SLC39A11: variants seen among roughly 807,000 people sequenced by gnomAD.
SLC39A11 encodes solute carrier family 39 member 11.
SLC39A11 carries 33 observed loss-of-function variants against 36.1 expected under a neutral mutation model. That is an observed-to-expected ratio of 0.91 (90% CI 0.69 to 1.22). SLC39A11 has a LOEUF of 1.22. Ranked by LOEUF, SLC39A11 falls within the 50% of genes most tolerant of loss-of-function variation. SLC39A11 has a pLI of 0.00. For missense variants in SLC39A11, 432 were observed against 430.3 expected (o/e 1.00, Z -0.03); for synonymous variants, 166 against 170.3 (o/e 0.97, Z 0.20).
At chr17:72,680,592 C>A (rs2071471519) in intron 7 of SLC39A11, among the ~76,000 whole-genome samples, 1 of 152,156 alleles carries the variant, frequency 6.6e-6, no homozygotes, top group East Asian at 1.9e-4. Context: ...TGAGGCCTCC[C>A]CAGCCATGTG....
intron 5 of SLC39A11, among the ~76,000 whole-genome samples, chr17:72,878,634 T>C (rs527960821): frequency 1.3e-5 from 2 of 152,332 alleles, no homozygotes; most frequent in African/African-American, 4.8e-5. Context: ...TATTGCTGTA[T>C]TTTTCTCCAT....
intron 4 of SLC39A11, among the ~76,000 whole-genome samples, chr17:73,011,767 T>C (rs1199340638): frequency 1.3e-5 from 2 of 150,252 alleles, no homozygotes; most frequent in African/African-American, 4.9e-5. Flanking sequence ...GTTCAAGCAA[T>C]TCTCCTGCCT....
At position 72,947,875 on chromosome 17, in the gene SLC39A11, CCTG is replaced by C; in HGVS notation, c.307-3_307-1del. 1 of 1,613,628 alleles carries C rather than the reference CCTG, an allele frequency of 6.2e-7. No individual in the cohort carries two copies. Among genetic ancestry groups the C allele is most frequent in the Non-Finnish European group, 8.5e-7 (1 of 1,180,016 alleles). On this transcript the variant is annotated splice_acceptor_variant and splice_polypyrimidine_tract_variant and intron_variant, in intron 4 of 9. Coordinates refer to ENST00000255559, the MANE Select transcript of SLC39A11 (RefSeq NM_139177.4). LOFTEE classifies it high-confidence loss of function. The stretch of plus-strand genomic sequence containing the variant: ...GTCGTCTGGGGGTCTTCTGCTGCAC[CCTG>C]AAACAAGAAGCGGTAACATCACTAG...
intron 6 of SLC39A11, among the ~76,000 whole-genome samples, chr17:72,821,230 C>G (rs2077766406): frequency 6.6e-6 from 1 of 150,596 alleles, no homozygotes; most frequent in Admixed American, 6.6e-5. Context: ...GGGCCAGGCA[C>G]AGTGGCTCAG....
intron 6 of SLC39A11, among the ~76,000 whole-genome samples, chr17:72,788,876 T>A (rs1419905125): frequency 6.6e-6 from 1 of 152,226 alleles, no homozygotes; most frequent in East Asian, 1.9e-4. Flanking sequence ...TCAGAAACCA[T>A]GCAACTGAAG....
chr17:72,942,368 C>T (rs1190030832), intron 5 of SLC39A11, among the ~76,000 whole-genome samples: 1 of 152,160 alleles, frequency 6.6e-6, no homozygotes, highest in Non-Finnish European at 1.5e-5. Flanking sequence ...ATTGCCAAAA[C>T]CACATGCCAA....
intron 7 of SLC39A11, among the ~76,000 whole-genome samples, chr17:72,658,286 A>C (rs2070237336): frequency 6.6e-6 from 1 of 152,154 alleles, no homozygotes; most frequent in Non-Finnish European, 1.5e-5. Flanking sequence ...GGACAGTCTG[A>C]GGTACTTTTC....
rs188852819 is a variant in SLC39A11 at position 72,939,080 on chromosome 17, G to A, written c.430+8672C>T. On this transcript the variant is annotated intron_variant, in intron 5 of 9. Transcript: ENST00000255559. ...AACCAAGCTCCTGAAGTCTGGTCAC[G>A]GAGTGATCAGAGTATGGGGTTGGTC... 6.3e-4 allele frequency among the ~76,000 whole-genome samples: 96 copies of A among 152,238 alleles called. 1 individual carries two copies. Among genetic ancestry groups the A allele is most frequent in the African/African-American group, 2.2e-3 (92 of 41,536 alleles).
chr17:72,897,125 G>A (rs1368332374), intron 5 of SLC39A11, among the ~76,000 whole-genome samples: 1 of 147,878 alleles, frequency 6.8e-6, no homozygotes, highest in East Asian at 2.0e-4. Context: ...TCCAACAACA[G>A]AAATTTGGAA....
In SLC39A11 at chr17:72,824,893, C is replaced by T. The variant is rs143114883; in HGVS notation, c.601+24741G>A. On this transcript the variant is annotated intron_variant, in intron 6 of 9. Coordinates refer to ENST00000255559, the MANE Select transcript of SLC39A11 (RefSeq NM_139177.4). The stretch of plus-strand genomic sequence containing the variant: ...CATATGGTCATATGTGTGAGCAAAA[C>T]GATGATCTGAAACTTGAACTTATAT... 2.4e-3 allele frequency among the ~76,000 whole-genome samples: 360 copies of T among 151,372 alleles called. 23 individuals carry two copies. The highest frequency in any genetic ancestry group is 3.6e-3 in the Non-Finnish European group (241 of 67,536).
intron 7 of SLC39A11, among the ~76,000 whole-genome samples, chr17:72,715,341 C>A (rs1239558534): frequency 1.3e-5 from 2 of 152,210 alleles, no homozygotes; most frequent in African/African-American, 4.8e-5. Context: ...AAGAGATATT[C>A]TTACATTCAT....
intron 3 of SLC39A11, among the ~76,000 whole-genome samples, chr17:73,066,363 AC>A (rs1224963622): frequency 2.6e-5 from 4 of 152,310 alleles, no homozygotes; most frequent in South Asian, 2.1e-4. Flanking sequence ...GAGCCCAGCA[AC>A]CTAGAACCAG....
At chr17:72,830,113 A>C (rs1479158206) in intron 6 of SLC39A11, among the ~76,000 whole-genome samples, 1 of 152,222 alleles carries the variant, frequency 6.6e-6, no homozygotes, top group Non-Finnish European at 1.5e-5. Context: ...ATGCATACAC[A>C]TGTGATTCCT....
At chr17:72,782,498 G>A (rs1460271208) in intron 6 of SLC39A11, among the ~76,000 whole-genome samples, 1 of 151,808 alleles carries the variant, frequency 6.6e-6, no homozygotes, top group African/African-American at 2.4e-5. Context: ...AGATCAGCCT[G>A]GCTAACAGGG....
intron 7 of SLC39A11, among the ~76,000 whole-genome samples, chr17:72,699,805 C>CTT (rs2072520387): frequency 1.3e-5 from 2 of 152,178 alleles, no homozygotes; most frequent in Middle Eastern, 3.2e-3. Context: ...GTTAACTCCA[C>CTT]CGCATGTGAT....
At chr17:72,786,010 G>A (rs894107135) in intron 6 of SLC39A11, among the ~76,000 whole-genome samples, 3 of 152,186 alleles carry the variant, frequency 2.0e-5, no homozygotes, top group Non-Finnish European at 2.9e-5. Flanking sequence ...CTTGACAGAT[G>A]AGATTCCCTC....
Position 72,727,588 on chromosome 17 carries a change from G to C in SLC39A11, c.671+9062C>G, listed in dbSNP as rs991937736. Among the ~76,000 whole-genome samples, 7 of 149,174 alleles carry C rather than the reference G, an allele frequency of 4.7e-5. No individual in the cohort carries two copies. In the South Asian group the frequency reaches 8.4e-4, roughly 18 times the overall value. ...AATGGTGTGAGCTCAGGAGGTGGAG[G>C]TTGCAGTGAGCTGAGATCGTGCCAC... On this transcript the variant is annotated intron_variant, in intron 7 of 9. Coordinates refer to ENST00000255559, the MANE Select transcript of SLC39A11 (RefSeq NM_139177.4).
intron 2 of SLC39A11, 33 bp downstream of exon 2, chr17:73,088,624 A>C (rs777470030): frequency 6.3e-7 from 1 of 1,577,070 alleles, no homozygotes; most frequent in Admixed American, 1.7e-5. Context: ...CGGGCTCCCC[A>C]CCAACATCCA....
intron 5 of SLC39A11, among the ~76,000 whole-genome samples, chr17:72,892,396 T>A (rs1373753471): frequency 7.6e-6 from 1 of 131,362 alleles, no homozygotes; most frequent in East Asian, 2.1e-4. Flanking sequence ...GGCAACAAAG[T>A]GAGACTCCAT....
Sources: allele counts gnomAD v4.1 joint callset (sites outside exome capture counted in the v4.1 genomes callset), GRCh38; gene constraint gnomAD v4.1.1; transcripts MANE v1.5; gene names NCBI Gene and HGNC (gene_info 2026-07-23, HGNC 2026-07-21).